The following TARBP1 variants were observed in gnomAD, a reference collection of about 807,000 sequenced individuals.
TARBP1 encodes the protein tRNA (guanosine(18)-2'-O)-methyltransferase TARBP1.
In TARBP1, 144 loss-of-function variants were observed where a neutral mutation model predicts 178.6. The ratio of observed to expected loss-of-function variants is 0.81; its 90% CI spans 0.70 to 0.93. The LOEUF (loss-of-function observed/expected upper bound fraction) is 0.93, where lower values mean the gene tolerates loss of function less well. Ranked by LOEUF, TARBP1 falls within the 40% of genes least tolerant of loss-of-function variation. TARBP1 has a pLI of 0.00. For synonymous variants in TARBP1, 787 were observed against 781.0 expected, an observed-to-expected ratio of 1.01 and a Z score of -0.13; for missense variants, 2,067 against 2,011.7, an observed-to-expected ratio of 1.03 and a Z score of -0.53.
chr1:234,440,812 A>C (rs150095084), intron 12 of TARBP1, among the ~76,000 whole-genome samples: 3,562 of 152,220 alleles, frequency 0.023, 56 homozygotes, highest in South Asian at 0.062. Context: ...AAATAGTTAT[A>C]AATCTTACAA....
At position 234,418,083 on chromosome 1, in the gene TARBP1, C is replaced by T. The variant is rs1208867777; in HGVS notation, c.3705+1G>A. ...ATATATAAAAAATATTCTTTACTTA[C>T]ATAAGAAAAACAATCCCAGAACTTT... On this transcript the variant is annotated splice_donor_variant, in intron 22 of 29. Transcript: ENST00000040877. LOFTEE classifies it high-confidence loss of function. The T allele has an allele frequency of 6.1e-6, 8 of 1,303,802 alleles. No individual in the cohort carries two copies. The highest frequency in any genetic ancestry group is 7.2e-6 in the Non-Finnish European group (7 of 974,678). 80.8% of individuals were successfully genotyped at this position (1,303,802 alleles called of 1,614,324 possible).
At chr1:234,433,827 A>G (rs1342267198) in intron 13 of TARBP1, among the ~76,000 whole-genome samples, 1 of 152,184 alleles carries the variant, frequency 6.6e-6, no homozygotes, top group African/African-American at 2.4e-5. Context: ...CTCCCTACCT[A>G]TGAGGGAGAC....
At chr1:234,460,884 C>T (rs1023462361) in intron 6 of TARBP1, among the ~76,000 whole-genome samples, 7 of 152,130 alleles carry the variant, frequency 4.6e-5, no homozygotes, top group Non-Finnish European at 1.0e-4. Flanking sequence ...TGATACGTGC[C>T]ATAACAAGGA....
At chr1:234,406,164 A>G (rs1232106257) in intron 23 of TARBP1, 65 bp from the exon 24 acceptor site, 5 of 1,467,360 alleles carry the variant, frequency 3.4e-6, no homozygotes, top group Non-Finnish European at 3.7e-6. Context: ...CACTTGTATG[A>G]CACAAAAAAA....
chr1:234,430,137 C>T lies in TARBP1; in HGVS notation c.2559G>A (p.Lys853=). 3 of 1,614,208 alleles carry T rather than the reference C, an allele frequency of 1.9e-6. No individual in the cohort carries two copies. Among genetic ancestry groups the T allele is most frequent in the Non-Finnish European group, 2.5e-6 (3 of 1,180,040 alleles). ...AACTGCTCTGCTCCTCTGCGTGGGG[C>T]TTCTGCAGCGTCTGATTGAGCTGAA... ...SSLQLNQTLQ[K]PHAEEQSSYA... is the part of the protein sequence containing the mutation. The change falls in exon 15 of 30, where the codon AAG becomes AAA. Residue 853 remains lysine (K), a synonymous_variant. Transcript: ENST00000040877.
chr1:234,451,963 C>T (rs1300131321), intron 9 of TARBP1, among the ~76,000 whole-genome samples: 1 of 152,070 alleles, frequency 6.6e-6, no homozygotes, highest in African/African-American at 2.4e-5. Flanking sequence ...CTTTGCATTC[C>T]TCTAAAACTG....
In TARBP1 at chr1:234,429,235, G is replaced by T. The variant is rs1664127214; in HGVS notation, c.2961C>A (p.Phe987Leu). Residue 987 changes from phenylalanine to leucine, a missense_variant, in exon 17 of 30, where the codon TTC becomes TTA. Coordinates refer to ENST00000040877, the MANE Select transcript of TARBP1 (RefSeq NM_005646.4). ...GAACAAAAGCTTTTAAATTAGCCCA[G>T]AATATCAGCTGAGTGTTGCTTAAAG... ...ISSLSNTQLI[F>L]WANLKAFVQF... 6.2e-7 allele frequency: 1 copy of T among 1,610,512 alleles called. No individual in the cohort carries two copies. The highest frequency in any genetic ancestry group is 1.7e-5 in the Admixed American group (1 of 59,158).
intron 20 of TARBP1, among the ~76,000 whole-genome samples, chr1:234,424,443 C>T (rs1663475668): frequency 6.6e-6 from 1 of 152,208 alleles, no homozygotes; most frequent in African/African-American, 2.4e-5. Context: ...GAATTTTCAT[C>T]AGTCTTAGAC....
At chr1:234,413,678 G>A (rs1371535243) in intron 22 of TARBP1, among the ~76,000 whole-genome samples, 4 of 152,264 alleles carry the variant, frequency 2.6e-5, no homozygotes, top group African/African-American at 7.2e-5. Context: ...AAGACACTGT[G>A]TTCAGCAGGT....
Position 234,393,346 on chromosome 1 carries a change from A to G in TARBP1, c.4560+16T>C. On this transcript the variant is annotated intron_variant, in intron 28 of 29. Coordinates refer to ENST00000040877, the MANE Select transcript of TARBP1 (RefSeq NM_005646.4). ...CTTGTTTTAAGAACTTTAATAATAA[A>G]TTACTTTCCACCCACCTCCACTAGA... 1 of 1,494,656 alleles carries G rather than the reference A, an allele frequency of 6.7e-7. No homozygotes were observed. 92.6% of individuals were successfully genotyped at this position (1,494,656 alleles called of 1,614,324 possible).
chr1:234,402,519 C>T (rs1381342665), intron 24 of TARBP1, among the ~76,000 whole-genome samples: 4 of 152,038 alleles, frequency 2.6e-5, no homozygotes, highest in Non-Finnish European at 4.4e-5. Flanking sequence ...CACCAGTAAA[C>T]CTACCACTCT....
intron 22 of TARBP1, among the ~76,000 whole-genome samples, chr1:234,416,846 C>T (rs1366099342): frequency 1.3e-5 from 2 of 152,070 alleles, no homozygotes; most frequent in East Asian, 3.9e-4. Context: ...TATGGAAAGG[C>T]CCTGCAGGTG....
intron 1 of TARBP1, among the ~76,000 whole-genome samples, chr1:234,477,240 A>G (rs1669650018): frequency 6.6e-6 from 1 of 152,242 alleles, no homozygotes; most frequent in East Asian, 1.9e-4. Context: ...AAATAAATGA[A>G]TGTTTTAATT....
intron 19 of TARBP1, among the ~76,000 whole-genome samples, chr1:234,426,851 C>T (rs1663830707): frequency 6.6e-6 from 1 of 152,178 alleles, no homozygotes; most frequent in African/African-American, 2.4e-5. Flanking sequence ...TCAATCATTA[C>T]TTCAATAAAG....
At chr1:234,406,195 C>T (rs888311889) in intron 23 of TARBP1, 96 bp from the exon 24 acceptor site, 1 of 1,151,622 alleles carries the variant, frequency 8.7e-7, no homozygotes, top group African/African-American at 1.6e-5. Context: ...GATACAACTG[C>T]TCCTAGTAAA....
At chr1:234,459,155 G>A in intron 8 of TARBP1, 75 bp downstream of exon 8, 1 of 1,065,144 alleles carries the variant, frequency 9.4e-7, no homozygotes, top group South Asian at 1.5e-5. Context: ...TCACAGGTCT[G>A]CTATGTTAAC....
chr1:234,478,665 C>A lies in TARBP1; in HGVS notation c.439G>T (p.Val147Phe). ...AEAAVEVLAAVGPCLRPREDG... is the reference protein window; with the variant it reads ...AEAAVEVLAAFGPCLRPREDG... ...TCGCGGGGCCGCAAACATGGCCCGACGGCTGCTAGCACTTCCACGGCAGCC... is the reference window on the plus strand; with the variant it reads ...TCGCGGGGCCGCAAACATGGCCCGAAGGCTGCTAGCACTTCCACGGCAGCC... The change falls in exon 1 of 30, where the codon GTC (valine) becomes TTC (phenylalanine). Residue 147 changes from valine to phenylalanine, a missense_variant. Val to Phe is a conservative substitution (Grantham distance 50). Transcript: ENST00000040877. The A allele has an allele frequency of 7.9e-7, 1 of 1,258,260 alleles. No homozygotes were observed. Among genetic ancestry groups the A allele is most frequent in the Non-Finnish European group, 1.0e-6 (1 of 1,001,840 alleles). 77.9% of individuals were successfully genotyped at this position (1,258,260 alleles called of 1,614,324 possible).
At chr1:234,445,056 C>A (rs1211875685) in intron 12 of TARBP1, among the ~76,000 whole-genome samples, 5 of 152,216 alleles carry the variant, frequency 3.3e-5, no homozygotes, top group African/African-American at 1.2e-4. Context: ...GTGGCCCCCA[C>A]TACTGCCCCA....
At chr1:234,420,224 G>T (rs12407473) in intron 21 of TARBP1, among the ~76,000 whole-genome samples, 1 of 152,156 alleles carries the variant, frequency 6.6e-6, no homozygotes, top group African/African-American at 2.4e-5. Flanking sequence ...CCTTTCCTTA[G>T]CTGGTTTGTA....
Sources: gnomAD v4.1 joint callset for allele counts (sites outside exome capture counted in the v4.1 genomes callset) on GRCh38, gnomAD v4.1.1 for gene constraint, MANE v1.5 for transcripts, NCBI Gene and HGNC (gene_info 2026-07-23, HGNC 2026-07-21) for gene names.